FILIP1: variants seen among roughly 807,000 people sequenced by gnomAD.
FILIP1 encodes filamin A interacting protein 1, also known as filamin-A-interacting protein 1.
In FILIP1, 61 loss-of-function variants were observed where a neutral mutation model predicts 102.1. That is an observed-to-expected ratio of 0.60 (90% CI 0.49 to 0.74). The LOEUF (loss-of-function observed/expected upper bound fraction) is 0.74. Ranked by LOEUF, FILIP1 falls within the 30% of genes least tolerant of loss-of-function variation. The pLI is 0.00. For synonymous variants in FILIP1, 491 were observed against 526.9 expected, an observed-to-expected ratio of 0.93 and a Z score of 0.93; for missense variants, 1,314 against 1,441.2, an observed-to-expected ratio of 0.91 and a Z score of 1.43.
chr6:75,368,453 G>C (rs1184054704), intron 2 of FILIP1, among the ~76,000 whole-genome samples: 2 of 152,164 alleles, frequency 1.3e-5, no homozygotes, highest in Non-Finnish European at 2.9e-5. Context: ...TTCAGTATTG[G>C]AGAAATAACT....
At chr6:75,309,694 C>A (rs1330290408) in intron 5 of FILIP1, among the ~76,000 whole-genome samples, 1 of 152,150 alleles carries the variant, frequency 6.6e-6, no homozygotes, top group Non-Finnish European at 1.5e-5. Context: ...CATTACTTAT[C>A]CTCTCTCCTA....
intron 2 of FILIP1, among the ~76,000 whole-genome samples, chr6:75,400,698 G>A (rs1308909097): frequency 6.6e-6 from 1 of 152,088 alleles, no homozygotes. Flanking sequence ...ACAGTCTGGT[G>A]CTAAAGGCCA....
At chr6:75,327,961 T>C (rs1442849030) in intron 4 of FILIP1, among the ~76,000 whole-genome samples, 1 of 152,118 alleles carries the variant, frequency 6.6e-6, no homozygotes, top group African/African-American at 2.4e-5. Flanking sequence ...ATTACTAGTT[T>C]AAAGGAAAGA....
intron 2 of FILIP1, among the ~76,000 whole-genome samples, chr6:75,366,466 A>C (rs1775339957): frequency 1.3e-5 from 2 of 152,254 alleles, no homozygotes; most frequent in African/African-American, 4.8e-5. Flanking sequence ...AGCTTTGAAG[A>C]GACTCAGAAA....
intron 1 of FILIP1, among the ~76,000 whole-genome samples, chr6:75,461,614 C>A (rs186089897): frequency 3.4e-4 from 51 of 152,216 alleles, no homozygotes; most frequent in Non-Finnish European, 6.5e-4. Context: ...CAGTTTGAGA[C>A]CTACAATGTT....
chr6:75,431,723 C>G (rs1284177488), intron 1 of FILIP1, among the ~76,000 whole-genome samples: 1 of 152,146 alleles, frequency 6.6e-6, no homozygotes, highest in Non-Finnish European at 1.5e-5. Context: ...AGAGAAGGAG[C>G]CTGCAGTATT....
chr6:75,344,297 C>T (rs182806227), intron 4 of FILIP1, among the ~76,000 whole-genome samples: 12 of 152,318 alleles, frequency 7.9e-5, no homozygotes, highest in Admixed American at 7.8e-4. Context: ...ACCTCATCCA[C>T]CTCAGTCTCT....
chr6:75,302,628 G>A (rs901296997), intron 6 of FILIP1, among the ~76,000 whole-genome samples: 6 of 152,108 alleles, frequency 3.9e-5, no homozygotes, highest in Non-Finnish European at 8.8e-5. Flanking sequence ...AAGGAAGGGT[G>A]GCATGGCCTG....
At chr6:75,319,702 C>T (rs933349898) in intron 4 of FILIP1, 4 of 331,388 alleles carry the variant, frequency 1.2e-5, no homozygotes, top group African/African-American at 2.2e-5. Context: ...TAGCGGCGGG[C>T]GCCTGTAGTC....
chr6:75,295,073 G>C (rs1772635815), exon 7 of FILIP1: 1 of 151,806 alleles, frequency 6.6e-6, no homozygotes, highest in Non-Finnish European at 1.5e-5. Flanking sequence ...GGATTAGATT[G>C]TGAGAACTAT....
At chr6:75,319,380 G>T in intron 4 of FILIP1, 1 of 627,096 alleles carries the variant, frequency 1.6e-6, no homozygotes, top group Non-Finnish European at 3.1e-6. Flanking sequence ...AGAGCTCTTG[G>T]GTGCCCTGGA....
chr6:75,421,457 C>T (rs1777461584), intron 1 of FILIP1, among the ~76,000 whole-genome samples: 2 of 152,122 alleles, frequency 1.3e-5, no homozygotes, highest in Non-Finnish European at 2.9e-5. Flanking sequence ...AGGAAATACT[C>T]ATGAGACTTG....
In FILIP1 at chr6:75,403,524, A is replaced by AAAAAAAAAAAAAAAAG. The variant is rs55907855; in HGVS notation, c.276+11172_276+11173insCTTTTTTTTTTTTTTT. Among the ~76,000 whole-genome samples the AAAAAAAAAAAAAAAAG allele has an allele frequency of 3.3e-3, 450 of 134,478 alleles. 3 individuals carry two copies. Among genetic ancestry groups the AAAAAAAAAAAAAAAAG allele is most frequent in the Non-Finnish European group, 4.2e-3 (269 of 64,304 alleles). The allele number at this position is 134,478 out of a possible 152,430, so 88.2% of individuals were successfully genotyped here. On this transcript the variant is annotated intron_variant, in intron 2 of 5. Coordinates refer to ENST00000237172, the MANE Select transcript of FILIP1 (RefSeq NM_015687.5). Reference sequence around the variant, plus strand: ...CAAGACTCTGTCCCACAAAAAAAAAAAAAAAAGAAAAAGAAAAAGAAATAT... The same window carrying AAAAAAAAAAAAAAAAG: ...CAAGACTCTGTCCCACAAAAAAAAAAAAAAAAAAAAAAAAAGAAAAAAGAAAAAGAAAAAGAAATAT...
At chr6:75,491,822 C>T (rs943103048) in intron 1 of FILIP1, among the ~76,000 whole-genome samples, 1 of 152,164 alleles carries the variant, frequency 6.6e-6, no homozygotes. Flanking sequence ...AAATTCACTT[C>T]ATCAGCAAAC....
Position 75,421,337 on chromosome 6 carries a change from A to T in FILIP1, c.-6-6359T>A, listed in dbSNP as rs538148508. On this transcript the variant is annotated intron_variant, in intron 1 of 5. Transcript: ENST00000237172. Reference sequence around the variant, plus strand: ...GCAGTGTAGAAAGTAAAAGAGATGCAAATTGTTTGAATTTTCCCAATTACT... The same window carrying T: ...GCAGTGTAGAAAGTAAAAGAGATGCTAATTGTTTGAATTTTCCCAATTACT... Among the ~76,000 whole-genome samples, 3 of 152,272 alleles carry T rather than the reference A, an allele frequency of 2.0e-5. No individual in the cohort carries two copies. In the South Asian group the frequency reaches 6.2e-4, roughly 32 times the overall value.
At chr6:75,419,744 A>C (rs1343496619) in intron 1 of FILIP1, among the ~76,000 whole-genome samples, 2 of 152,208 alleles carry the variant, frequency 1.3e-5, no homozygotes, top group South Asian at 2.1e-4. Context: ...AATTAAATCA[A>C]CTAGTTTATT....
chr6:75,319,616 G>T (rs1313023118), intron 4 of FILIP1: 4 of 439,312 alleles, frequency 9.1e-6, no homozygotes, highest in Non-Finnish European at 1.7e-5. Flanking sequence ...GGATCACAAG[G>T]TCAGGAGATC....
chr6:75,346,803 G>A (rs1414762466), intron 4 of FILIP1, among the ~76,000 whole-genome samples: 1 of 152,102 alleles, frequency 6.6e-6, no homozygotes, highest in African/African-American at 2.4e-5. Context: ...CTTTTCCAGT[G>A]GAAAGTGGGA....
intron 4 of FILIP1, among the ~76,000 whole-genome samples, chr6:75,329,293 T>C (rs530010721): frequency 6.6e-6 from 1 of 152,336 alleles, no homozygotes; most frequent in East Asian, 1.9e-4. Flanking sequence ...AGGGCTCCTT[T>C]TGCCCAACAT....
Sources: allele counts gnomAD v4.1 joint callset (sites outside exome capture counted in the v4.1 genomes callset), GRCh38; gene constraint gnomAD v4.1.1; transcripts MANE v1.5; gene names NCBI Gene and HGNC (gene_info 2026-07-23, HGNC 2026-07-21).